Variants in ALG9 observed in about 807,000 individuals in gnomAD.
ALG9 encodes the protein alpha-1,2-mannosyltransferase ALG9.
In ALG9, 55 loss-of-function variants were observed where a neutral mutation model predicts 81.8. The observed-to-expected ratio is 0.67, with a 90% CI of 0.54 to 0.84. The LOEUF (loss-of-function observed/expected upper bound fraction) is 0.84. Among genes scored for constraint, ALG9 ranks in the 40% least tolerant of loss-of-function variants. The pLI, the probability that ALG9 is intolerant of heterozygous loss-of-function variation, is 0.00. For synonymous variants in ALG9, 278 were observed against 274.3 expected (o/e 1.01, Z -0.13); for missense variants, 629 against 745.0 (o/e 0.84, Z 1.81).
At chr11:111,868,425 T>G (rs1458148231) in intron 3 of ALG9, among the ~76,000 whole-genome samples, 177 bp downstream of exon 3, 1 of 152,240 alleles carries the variant, frequency 6.6e-6, no homozygotes, top group Non-Finnish European at 1.5e-5. Context: ...CTTAATACAG[T>G]GTCTACCAAA....
chr11:111,864,305 C>T lies in ALG9; in HGVS notation c.476+876G>A, dbSNP rs562167180. ...TATGAAGAAAGTGGTTCAACAGCCCCGGCTGGAGGCCAGGCTCAACTGCAT... is the reference window on the plus strand; with the variant it reads ...TATGAAGAAAGTGGTTCAACAGCCCTGGCTGGAGGCCAGGCTCAACTGCAT... On this transcript the variant is annotated intron_variant, in intron 4 of 14. Transcript: ENST00000616540. 1.5e-4 allele frequency: 159 copies of T among 1,033,142 alleles called. 2 individuals are homozygous for T. In the South Asian group the frequency reaches 1.9e-3, roughly 13 times the overall value. The allele number at this position is 1,033,142 out of a possible 1,614,324, so 64.0% of individuals were successfully genotyped here.
chr11:111,809,903 G>A, intron 13 of ALG9, 130 bp from the exon 14 acceptor site: 1 of 1,037,512 alleles, frequency 9.6e-7, no homozygotes, highest in Non-Finnish European at 1.5e-6. Flanking sequence ...AGACAATGTT[G>A]CCTATGCTCT....
chr11:111,801,424 A>G (rs1023700520), intron 14 of ALG9, among the ~76,000 whole-genome samples: 1 of 152,248 alleles, frequency 6.6e-6, no homozygotes, highest in African/African-American at 2.4e-5. Context: ...AGATAAATGT[A>G]AAGAAAATCA....
At chr11:111,838,465 C>G in intron 10 of ALG9, 66 bp from the exon 11 acceptor site, 1 of 1,427,446 alleles carries the variant, frequency 7.0e-7, no homozygotes, top group Non-Finnish European at 9.6e-7. Flanking sequence ...ACATCAAGAG[C>G]GAAGCCAAAA....
At chr11:111,846,408 G>T (rs568830016) in intron 8 of ALG9, among the ~76,000 whole-genome samples, 5 of 152,212 alleles carry the variant, frequency 3.3e-5, no homozygotes, top group African/African-American at 1.2e-4. Context: ...AATACAGACT[G>T]TTTTTTTCAG....
chr11:111,805,781 A>C (rs1382172502), intron 14 of ALG9, among the ~76,000 whole-genome samples: 1 of 152,230 alleles, frequency 6.6e-6, no homozygotes, highest in South Asian at 2.1e-4. Flanking sequence ...GTGAACCCTA[A>C]TGTAAACTGT....
intron 10 of ALG9, 87 bp from the exon 11 acceptor site, chr11:111,838,486 A>G: frequency 8.0e-7 from 1 of 1,247,440 alleles, no homozygotes; most frequent in Non-Finnish European, 1.1e-6. Flanking sequence ...AAGAGGTTCT[A>G]TTAGGGATCT....
At chr11:111,827,225 C>T (rs1953476724) in intron 13 of ALG9, among the ~76,000 whole-genome samples, 1 of 152,086 alleles carries the variant, frequency 6.6e-6, no homozygotes, top group South Asian at 2.1e-4. Flanking sequence ...ACCTGTAATC[C>T]CAGCACTCTG....
At chr11:111,815,516 A>C (rs534984522) in intron 13 of ALG9, among the ~76,000 whole-genome samples, 1 of 152,334 alleles carries the variant, frequency 6.6e-6, no homozygotes, top group South Asian at 2.1e-4. Context: ...CTGATGAACA[A>C]CTCAAACACA....
At chr11:111,786,571 T>C (rs782489402) in intron 14 of ALG9, 51 bp from the exon 15 acceptor site, 2 of 1,577,198 alleles carry the variant, frequency 1.3e-6, no homozygotes, top group South Asian at 2.2e-5. Context: ...GAGAATTTAC[T>C]AATGGTACTA....
In ALG9 at chr11:111,860,571, T is replaced by A. The variant is rs1959729584; in HGVS notation, c.541A>T (p.Thr181Ser). 2 of 1,614,112 alleles carry A rather than the reference T, an allele frequency of 1.2e-6. No homozygotes were observed. Among genetic ancestry groups the A allele is most frequent in the South Asian group, 1.1e-5 (1 of 91,078 alleles). Residue 181 changes from threonine to serine, a missense_variant, in exon 5 of 15, where the codon ACT becomes TCT. Transcript: ENST00000616540. The part of the protein sequence containing the change: ...RMMLAFLVLS[T>S]GMFCSSSAFL... ...CCTGATGATGAGCAAAACATGCCAG[T>A]GCTGAGAACCAAGAAGGCTAGCATC...
chr11:111,788,585 A>G (rs1255129087), intron 14 of ALG9: 2 of 389,734 alleles, frequency 5.1e-6, no homozygotes, highest in Non-Finnish European at 1.0e-5. Flanking sequence ...TTTACAAAAA[A>G]TGTTTAAAAA....
intron 14 of ALG9, among the ~76,000 whole-genome samples, chr11:111,808,612 C>T (rs1211059208): frequency 6.6e-6 from 1 of 152,212 alleles, no homozygotes; most frequent in Non-Finnish European, 1.5e-5. Context: ...CACCTAGTAC[C>T]TGTGCTTACT....
At chr11:111,790,191 G>A (rs960901439) in intron 14 of ALG9, among the ~76,000 whole-genome samples, 1 of 152,118 alleles carries the variant, frequency 6.6e-6, no homozygotes, top group Non-Finnish European at 1.5e-5. Flanking sequence ...AATTAGCTGG[G>A]CATGGTGGCG....
chr11:111,838,286 C>A lies in ALG9; in HGVS notation c.1287G>T (p.Gly429=). 1 of 1,614,136 alleles carries A rather than the reference C, an allele frequency of 6.2e-7. No homozygotes were observed. Among genetic ancestry groups the A allele is most frequent in the Non-Finnish European group, 8.5e-7 (1 of 1,180,008 alleles). The part of the protein sequence containing the change: ...WLALGTVFLF[G]LLSFSRSVAL... The stretch of plus-strand genomic sequence containing the variant: ...CCACAGAGCGAGAAAATGACAAGAG[C>A]CCAAACAGGAAGACAGTTCCTAATG... Residue 429 remains glycine (G), a synonymous_variant, in exon 11 of 15, where the codon GGG becomes GGT. Transcript: ENST00000616540.
intron 4 of ALG9, among the ~76,000 whole-genome samples, chr11:111,864,748 C>T (rs1555151151): frequency 6.6e-6 from 1 of 151,708 alleles, no homozygotes; most frequent in Non-Finnish European, 1.5e-5. Flanking sequence ...ATATATATAT[C>T]AGGAGCTAGG....
chr11:111,865,185 AAAAGT>A lies in ALG9; in HGVS notation c.467_471del (p.Tyr156LeufsTer36), dbSNP rs376661975. 4 of 1,544,842 alleles carry A rather than the reference AAAAGT, an allele frequency of 2.6e-6. No individual in the cohort carries two copies. The highest frequency in any genetic ancestry group is 1.4e-5 in the African/African-American group (1 of 72,518). On this transcript the variant is annotated frameshift_variant, in exon 4 of 15. Transcript: ENST00000616540. LOFTEE classifies it high-confidence loss of function. ...AAGCAAAGTTTTTATACTCACTTGT[AAAAGT>A]AAAGTTCACAAATACAGCTCACAAA...
At chr11:111,796,352 G>T (rs960409969) in intron 14 of ALG9, among the ~76,000 whole-genome samples, 1 of 152,180 alleles carries the variant, frequency 6.6e-6, no homozygotes, top group Non-Finnish European at 1.5e-5. Context: ...TGCCTGCTTA[G>T]GCTAAGCCAG....
chr11:111,808,292 T>C (rs782187775), intron 14 of ALG9, among the ~76,000 whole-genome samples: 12 of 152,136 alleles, frequency 7.9e-5, no homozygotes, highest in African/African-American at 2.7e-4. Flanking sequence ...TTGCCAGTTA[T>C]AATTACCTAT....
Sources: gnomAD v4.1 joint callset for allele counts (sites outside exome capture counted in the v4.1 genomes callset) on GRCh38, gnomAD v4.1.1 for gene constraint, MANE v1.5 for transcripts, NCBI Gene and HGNC (gene_info 2026-07-23, HGNC 2026-07-21) for gene names.